Variants in FER observed in about 807,000 individuals in gnomAD.
FER encodes tyrosine-protein kinase Fer.
A neutral mutation model predicts 111.0 loss-of-function variants in FER; 63 were observed. The ratio of observed to expected loss-of-function variants is 0.57; its 90% CI spans 0.46 to 0.70. FER has a LOEUF of 0.70. Among genes scored for constraint, FER ranks in the 30% least tolerant of loss-of-function variants. The pLI is 0.00. For missense variants in FER, 914 were observed against 954.0 expected (o/e 0.96, Z 0.55); for synonymous variants, 327 against 313.9 (o/e 1.04, Z -0.44).
At chr5:108,805,195 A>C (rs903834847) in intron 3 of FER, among the ~76,000 whole-genome samples, 1 of 151,948 alleles carries the variant, frequency 6.6e-6, no homozygotes, top group Middle Eastern at 3.2e-3. Flanking sequence ...GTCTCATGAG[A>C]TCCGATGGTT....
At chr5:108,825,907 A>T (rs1392187155) in intron 3 of FER, among the ~76,000 whole-genome samples, 4 of 152,086 alleles carry the variant, frequency 2.6e-5, no homozygotes, top group Non-Finnish European at 5.9e-5. Context: ...TTTCTTTCTG[A>T]TTTGGATTTT....
intron 14 of FER, among the ~76,000 whole-genome samples, chr5:109,042,666 G>A (rs1442081920): frequency 6.6e-6 from 1 of 152,146 alleles, no homozygotes; most frequent in East Asian, 1.9e-4. Flanking sequence ...GGGATAATAT[G>A]TATTCAGGGA....
chr5:109,166,958 T>C (rs964867660), intron 17 of FER, among the ~76,000 whole-genome samples: 1 of 128,304 alleles, frequency 7.8e-6, no homozygotes, highest in African/African-American at 2.9e-5. Flanking sequence ...TTAGCCTAGA[T>C]ACAAAAGGGT....
intron 13 of FER, among the ~76,000 whole-genome samples, chr5:108,996,998 C>A (rs11959492): frequency 6.6e-6 from 1 of 151,900 alleles, no homozygotes; most frequent in Non-Finnish European, 1.5e-5. Flanking sequence ...AGTTGGATTC[C>A]TAGGTATTTT....
intron 3 of FER, among the ~76,000 whole-genome samples, chr5:108,829,373 C>T (rs1759799567): frequency 6.6e-6 from 1 of 152,158 alleles, no homozygotes; most frequent in African/African-American, 2.4e-5. Context: ...CATGGTGGCT[C>T]ACACCTGTAA....
Position 109,193,738 on chromosome 5 carries a change from T to C in FER, c.*6163T>C, listed in dbSNP as rs1472827666. 6.6e-6 allele frequency: 1 copy of C among 152,202 alleles called. No homozygotes were observed. Among genetic ancestry groups the C allele is most frequent in the African/African-American group, 2.4e-5 (1 of 41,458 alleles). The allele number at this position is 152,202 out of a possible 1,614,324, so 9.4% of individuals were successfully genotyped here. Reference sequence around the variant, plus strand: ...TCTTTAGTTTTTCAAGATTTTGCTTTACCAAAATAGTAAAGCCTTTATCAT... The same window carrying C: ...TCTTTAGTTTTTCAAGATTTTGCTTCACCAAAATAGTAAAGCCTTTATCAT... On this transcript the variant is annotated 3_prime_UTR_variant, in exon 20 of 20. Transcript: ENST00000281092.
At chr5:108,960,621 T>C (rs1759022117) in intron 13 of FER, among the ~76,000 whole-genome samples, 1 of 152,148 alleles carries the variant, frequency 6.6e-6, no homozygotes, top group Non-Finnish European at 1.5e-5. Flanking sequence ...AATTCTAAGA[T>C]ATTTTCTCTT....
intron 3 of FER, among the ~76,000 whole-genome samples, chr5:108,823,237 A>G (rs1398665059): frequency 2.0e-5 from 3 of 152,192 alleles, no homozygotes; most frequent in Non-Finnish European, 4.4e-5. Flanking sequence ...CAATATGACA[A>G]TGAACATGAG....
intron 3 of FER, among the ~76,000 whole-genome samples, chr5:108,802,385 G>A (rs962264909): frequency 2.6e-5 from 4 of 152,038 alleles, no homozygotes; most frequent in Admixed American, 6.6e-5. Context: ...TAGATTCCGG[G>A]GGTACACATG....
At chr5:109,094,979 C>G (rs796374635) in intron 16 of FER, among the ~76,000 whole-genome samples, 14 of 152,242 alleles carry the variant, frequency 9.2e-5, no homozygotes, top group African/African-American at 3.4e-4. Flanking sequence ...GCTGTTGTTT[C>G]TTGAACAAGC....
chr5:109,106,429 A>C (rs1191395361), intron 17 of FER, among the ~76,000 whole-genome samples: 1 of 152,236 alleles, frequency 6.6e-6, no homozygotes. Flanking sequence ...CAGGATTAAC[A>C]TAGAGATGTG....
At chr5:109,171,667 C>T (rs926956677) in intron 17 of FER, among the ~76,000 whole-genome samples, 1 of 152,128 alleles carries the variant, frequency 6.6e-6, no homozygotes, top group Non-Finnish European at 1.5e-5. Context: ...TCTGTTTTCA[C>T]TTCATAGTCT....
chr5:109,151,821 A>G lies in FER; in HGVS notation c.2049-28926A>G, dbSNP rs116330075. On this transcript the variant is annotated intron_variant, in intron 17 of 19. Coordinates refer to ENST00000281092, the MANE Select transcript of FER (RefSeq NM_005246.4). ...AAGTTTACAGACAAGTTATGTGACA[A>G]AATTTGAAAAAGGTTTTCCAAATTC... Among the ~76,000 whole-genome samples, 1,465 of 152,212 alleles carry G rather than the reference A, an allele frequency of 9.6e-3. 26 individuals carry two copies. Among genetic ancestry groups the G allele is most frequent in the African/African-American group, 0.033 (1,384 of 41,560 alleles).
At chr5:109,088,361 G>C (rs186835199) in intron 16 of FER, among the ~76,000 whole-genome samples, 1 of 151,948 alleles carries the variant, frequency 6.6e-6, no homozygotes, top group African/African-American at 2.4e-5. Context: ...TGTATTTAAG[G>C]TACTAAATTA....
chr5:108,922,400 C>T (rs184493484), intron 10 of FER, among the ~76,000 whole-genome samples: 1 of 152,220 alleles, frequency 6.6e-6, no homozygotes, highest in East Asian at 1.9e-4. Flanking sequence ...TTGTGAAGAG[C>T]AAAACCAGTG....
At chr5:108,776,746 G>A (rs1354470416) in intron 2 of FER, among the ~76,000 whole-genome samples, 1 of 152,074 alleles carries the variant, frequency 6.6e-6, no homozygotes, top group Non-Finnish European at 1.5e-5. Flanking sequence ...TTTTAAATCA[G>A]TATTTATGGT....
intron 13 of FER, among the ~76,000 whole-genome samples, chr5:109,020,798 G>A (rs1034413861): frequency 2.0e-5 from 3 of 151,942 alleles, no homozygotes; most frequent in African/African-American, 7.2e-5. Flanking sequence ...CCAAACTAAA[G>A]GCCTTGTACT....
At chr5:108,959,156 T>G (rs1349895435) in intron 12 of FER, 69 bp from the exon 13 acceptor site, 4 of 1,509,708 alleles carry the variant, frequency 2.6e-6, no homozygotes, top group East Asian at 2.3e-5. Flanking sequence ...GGAATCTAAT[T>G]TATCAATGAA....
chr5:109,097,017 TAATA>T (rs1174121491), intron 16 of FER, among the ~76,000 whole-genome samples: 1 of 148,706 alleles, frequency 6.7e-6, no homozygotes, highest in Non-Finnish European at 1.5e-5. Context: ...TATAATAGTA[TAATA>T]AATAGTAATA....
Sources: allele counts gnomAD v4.1 joint callset (sites outside exome capture counted in the v4.1 genomes callset), GRCh38; gene constraint gnomAD v4.1.1; transcripts MANE v1.5; gene names NCBI Gene and HGNC (gene_info 2026-07-23, HGNC 2026-07-21).